Variants in ANKS1B observed in about 807,000 individuals in gnomAD.
The protein encoded by ANKS1B is ankyrin repeat and sterile alpha motif domain containing 1B, also known as ankyrin repeat and sterile alpha motif domain-containing protein 1B.
ANKS1B carries 36 observed loss-of-function variants against 148.3 expected under a neutral mutation model. The ratio of observed to expected loss-of-function variants is 0.24; its 90% CI spans 0.19 to 0.32. The LOEUF (loss-of-function observed/expected upper bound fraction) is 0.32, where lower values mean the gene tolerates loss of function less well. ANKS1B is among the 10% of genes least tolerant of loss of function. ANKS1B has a pLI of 1.00. For missense variants in ANKS1B, 1,157 were observed against 1,542.6 expected, an observed-to-expected ratio of 0.75 and a Z score of 4.19; for synonymous variants, 542 against 560.8, an observed-to-expected ratio of 0.97 and a Z score of 0.47.
chr12:99,902,351 G>C (rs2093628123), intron 1 of ANKS1B, among the ~76,000 whole-genome samples: 1 of 152,294 alleles, frequency 6.6e-6, no homozygotes, highest in African/African-American at 2.4e-5. Context: ...TGGCAAGTGA[G>C]AAGGGGGTAA....
chr12:99,658,140 C>T (rs1406956540), intron 8 of ANKS1B, among the ~76,000 whole-genome samples: 1 of 152,128 alleles, frequency 6.6e-6, no homozygotes, highest in Non-Finnish European at 1.5e-5. Context: ...CCTTACTTGT[C>T]TGCACAGCGT....
intron 1 of ANKS1B, among the ~76,000 whole-genome samples, chr12:99,869,184 G>A (rs995026108): frequency 1.3e-5 from 2 of 152,042 alleles, no homozygotes; most frequent in African/African-American, 4.8e-5. Context: ...TCCAATCAAA[G>A]TCCCAGCAGA....
intron 17 of ANKS1B, among the ~76,000 whole-genome samples, chr12:98,887,858 C>T (rs978627137): frequency 7.2e-5 from 11 of 152,144 alleles, no homozygotes; most frequent in African/African-American, 1.2e-4. Flanking sequence ...AGCTCTCCAC[C>T]GGCCTCAGCC....
intron 9 of ANKS1B, among the ~76,000 whole-genome samples, chr12:99,522,175 A>C (rs1193950966): frequency 6.6e-6 from 1 of 152,064 alleles, no homozygotes; most frequent in Non-Finnish European, 1.5e-5. Context: ...TTGTACTTGA[A>C]TTTTTACAAT....
At chr12:99,609,215 C>T (rs1416069959) in intron 9 of ANKS1B, among the ~76,000 whole-genome samples, 2 of 152,018 alleles carry the variant, frequency 1.3e-5, no homozygotes, top group Non-Finnish European at 2.9e-5. Context: ...ATTGACTTTT[C>T]ACCATACAGC....
At chr12:98,897,617 G>A (rs975196436) in intron 17 of ANKS1B, among the ~76,000 whole-genome samples, 1 of 152,152 alleles carries the variant, frequency 6.6e-6, no homozygotes, top group African/African-American at 2.4e-5. Flanking sequence ...CACAATTGGT[G>A]GGAATGTAAA....
chr12:99,581,721 T>C (rs906745685), intron 9 of ANKS1B, among the ~76,000 whole-genome samples: 18 of 150,442 alleles, frequency 1.2e-4, no homozygotes, highest in African/African-American at 4.4e-4. Flanking sequence ...AAACCCCGTC[T>C]CTACTAAAAA....
chr12:99,402,413 G>A lies in ANKS1B; in HGVS notation c.1576-2602C>T, dbSNP rs184307634. Among the ~76,000 whole-genome samples, 131 of 145,176 alleles carry A rather than the reference G, an allele frequency of 9.0e-4. 20 individuals are homozygous for A. Among genetic ancestry groups the A allele is most frequent in the Admixed American group, 5.0e-3 (73 of 14,616 alleles). Reference sequence around the variant, plus strand: ...GGTTTGTTTAACAGATTATTTTATCGCCCAGGTATTAAGCCTAGTACTCAT... The same window carrying A: ...GGTTTGTTTAACAGATTATTTTATCACCCAGGTATTAAGCCTAGTACTCAT... On this transcript the variant is annotated intron_variant, in intron 11 of 26. Coordinates refer to ENST00000683438, the MANE Select transcript of ANKS1B (RefSeq NM_001352186.2).
chr12:99,658,347 T>C (rs1465317643), intron 8 of ANKS1B, among the ~76,000 whole-genome samples: 2 of 152,140 alleles, frequency 1.3e-5, no homozygotes, highest in African/African-American at 4.8e-5. Context: ...GTAATAAATA[T>C]AAAGTGCCTG....
At chr12:99,512,453 G>A (rs1482319147) in intron 9 of ANKS1B, among the ~76,000 whole-genome samples, 1 of 152,068 alleles carries the variant, frequency 6.6e-6, no homozygotes, top group African/African-American at 2.4e-5. Flanking sequence ...ACTGTTGGTG[G>A]GAGTGTAAAT....
chr12:99,479,837 T>C (rs1410207841), intron 10 of ANKS1B, among the ~76,000 whole-genome samples: 4 of 151,914 alleles, frequency 2.6e-5, no homozygotes, highest in South Asian at 2.1e-4. Flanking sequence ...ATGGTGACTA[T>C]AGTTAATACA....
In ANKS1B at chr12:98,794,117, C is replaced by T. The variant is rs1243221036; in HGVS notation, c.3342+4817G>A. ...TTAAAAGTGGTAATTCTTGGCCAGG[C>T]GCGGTGGCTCACGCCTGTAATCCCA... On this transcript the variant is annotated intron_variant, in intron 22 of 26. Coordinates refer to ENST00000683438, the MANE Select transcript of ANKS1B (RefSeq NM_001352186.2). 5.3e-5 allele frequency among the ~76,000 whole-genome samples: 8 copies of T among 152,108 alleles called. No individual in the cohort carries two copies. The East Asian group carries it at 7.7e-4, about 15-fold the overall frequency.
intron 17 of ANKS1B, among the ~76,000 whole-genome samples, chr12:98,852,625 T>C (rs2099536072): frequency 6.6e-6 from 1 of 152,146 alleles, no homozygotes; most frequent in Non-Finnish European, 1.5e-5. Flanking sequence ...CCCCACGGAC[T>C]ATGAGTTTGA....
intron 15 of ANKS1B, among the ~76,000 whole-genome samples, chr12:99,119,271 G>C (rs1236414393): frequency 2.0e-5 from 3 of 152,046 alleles, no homozygotes; most frequent in African/African-American, 7.2e-5. Flanking sequence ...CACAAATCAG[G>C]GTATGCTGAC....
chr12:98,778,892 C>G (rs1383267301), intron 24 of ANKS1B, among the ~76,000 whole-genome samples: 7 of 152,212 alleles, frequency 4.6e-5, no homozygotes, highest in Admixed American at 3.3e-4. Flanking sequence ...CTCTCCCTAC[C>G]CACTGTCATA....
chr12:99,113,075 A>T (rs1392930038), intron 15 of ANKS1B, among the ~76,000 whole-genome samples: 6 of 152,236 alleles, frequency 3.9e-5, no homozygotes, highest in African/African-American at 7.2e-5. Flanking sequence ...TTTAAAATGT[A>T]TCTTGAGAAT....
At chr12:99,289,500 G>A (rs1271616903) in intron 12 of ANKS1B, among the ~76,000 whole-genome samples, 1 of 152,016 alleles carries the variant, frequency 6.6e-6, no homozygotes, top group African/African-American at 2.4e-5. Context: ...TCATTCTCAA[G>A]TATAGATGAT....
intron 8 of ANKS1B, among the ~76,000 whole-genome samples, chr12:99,724,073 C>A (rs976396740): frequency 2.0e-5 from 3 of 151,834 alleles, no homozygotes; most frequent in Non-Finnish European, 4.4e-5. Flanking sequence ...ACACTGAAAG[C>A]CCAAAAGGCC....
intron 1 of ANKS1B, among the ~76,000 whole-genome samples, chr12:99,979,543 C>T (rs1157446861): frequency 6.6e-6 from 1 of 151,906 alleles, no homozygotes; most frequent in African/African-American, 2.4e-5. Context: ...CAAACGAGAC[C>T]ATAAGGGACA....
Sources: allele counts gnomAD v4.1 joint callset (sites outside exome capture counted in the v4.1 genomes callset), GRCh38; gene constraint gnomAD v4.1.1; transcripts MANE v1.5; gene names NCBI Gene and HGNC (gene_info 2026-07-23, HGNC 2026-07-21).